The following SORL1 variants were observed in gnomAD, a reference collection of about 807,000 sequenced individuals.
SORL1 encodes the protein sortilin related receptor 1.
SORL1 carries 127 observed loss-of-function variants against 273.7 expected under a neutral mutation model. The ratio of observed to expected loss-of-function variants is 0.46; its 90% CI spans 0.40 to 0.54. The LOEUF is 0.54. Among genes scored for constraint, SORL1 ranks in the 20% least tolerant of loss-of-function variants. SORL1 has a pLI of 0.00. For synonymous variants in SORL1, 1,031 were observed against 1,067.4 expected (o/e 0.97, Z 0.66); for missense variants, 2,494 against 2,846.1 (o/e 0.88, Z 2.81).
chr11:121,515,538 G>A (rs778581396), intron 8 of SORL1, among the ~76,000 whole-genome samples: 5 of 152,218 alleles, frequency 3.3e-5, no homozygotes, highest in African/African-American at 4.8e-5. Context: ...GGCTGGAAGG[G>A]CTGCAGAGAG....
chr11:121,543,772 C>G (rs371717126), intron 13 of SORL1, 46 bp downstream of exon 13: 1 of 1,548,414 alleles, frequency 6.5e-7, no homozygotes, highest in South Asian at 1.1e-5. Flanking sequence ...TATGCGTGGA[C>G]TTCCTGTTAT....
chr11:121,463,301 G>A (rs1221331147), intron 1 of SORL1, among the ~76,000 whole-genome samples: 1 of 151,568 alleles, frequency 6.6e-6, no homozygotes, highest in East Asian at 1.9e-4. Flanking sequence ...GTGATATTAT[G>A]TTCATGAGAA....
rs753850983 is a variant in SORL1, at chr11:121,588,138, G to A, written c.3933G>A (p.Ala1311=). ...QCRDGSDEDA[A]FAGCSQDPEF... is the part of the protein sequence containing the mutation. The stretch of plus-strand genomic sequence containing the variant: ...GCGACGGGTCCGATGAGGATGCGGC[G>A]TTTGCAGGATGCTGTGAGTTGGGGC... The change falls in exon 28 of 48, where the codon GCG becomes GCA. Residue 1311 remains alanine (A), a synonymous_variant. Transcript: ENST00000260197. 23 of 1,613,390 alleles carry A rather than the reference G, an allele frequency of 1.4e-5. No individual in the cohort carries two copies. Among genetic ancestry groups the A allele is most frequent in the South Asian group, 9.9e-5 (9 of 91,026 alleles).
At chr11:121,607,097 C>T (rs1863488609) in intron 36 of SORL1, 89 bp from the exon 37 acceptor site, 2 of 1,039,822 alleles carry the variant, frequency 1.9e-6, no homozygotes, top group East Asian at 4.8e-5. Flanking sequence ...TCCTCACCAT[C>T]TTTTCTCTCC....
chr11:121,602,634 G>T (rs1863411016), intron 32 of SORL1, among the ~76,000 whole-genome samples: 1 of 152,188 alleles, frequency 6.6e-6, no homozygotes. Flanking sequence ...GGGGGTCGAG[G>T]TCAAGAGGTG....
At chr11:121,618,317 G>C (rs990085107) in intron 41 of SORL1, among the ~76,000 whole-genome samples, 6 of 152,128 alleles carry the variant, frequency 3.9e-5, no homozygotes, top group African/African-American at 1.2e-4. Flanking sequence ...CATACTTCCT[G>C]GGGTGTTCGC....
At chr11:121,520,915 T>C in intron 9 of SORL1, 66 bp downstream of exon 9, 1 of 1,139,554 alleles carries the variant, frequency 8.8e-7, no homozygotes, top group Non-Finnish European at 1.2e-6. Flanking sequence ...TGTGGTAGTT[T>C]CCTATGTCTA....
chr11:121,523,722 G>A (rs752376570), intron 11 of SORL1, among the ~76,000 whole-genome samples: 8 of 152,120 alleles, frequency 5.3e-5, no homozygotes, highest in Non-Finnish European at 1.2e-4. Flanking sequence ...AGTTATGCCA[G>A]GAGCCACCAG....
intron 3 of SORL1, among the ~76,000 whole-genome samples, chr11:121,486,636 T>C (rs905317312): frequency 6.6e-6 from 1 of 151,760 alleles, no homozygotes; most frequent in South Asian, 2.1e-4. Flanking sequence ...CCCACCACCA[T>C]GCCCGGCTAA....
chr11:121,506,349 A>G (rs1658017184), intron 6 of SORL1, among the ~76,000 whole-genome samples: 2 of 152,178 alleles, frequency 1.3e-5, no homozygotes, highest in Admixed American at 6.5e-5. Context: ...ATTTACAAAA[A>G]AGGTTTATAA....
chr11:121,516,485 G>C (rs1861953901), intron 8 of SORL1, among the ~76,000 whole-genome samples: 1 of 152,130 alleles, frequency 6.6e-6, no homozygotes. Context: ...AGCTTGGTTT[G>C]GGACTTACCT....
chr11:121,553,897 C>T, intron 16 of SORL1, 40 bp from the exon 17 acceptor site: 1 of 1,588,396 alleles, frequency 6.3e-7, no homozygotes, highest in South Asian at 1.1e-5. Context: ...CTTCAGCATC[C>T]CCTGGGTCCA....
intron 3 of SORL1, among the ~76,000 whole-genome samples, chr11:121,483,334 T>C (rs1024388686): frequency 3.3e-5 from 5 of 152,204 alleles, no homozygotes; most frequent in Admixed American, 6.5e-5. Flanking sequence ...CCTGCCTTTT[T>C]CCAGGCAGAG....
At chr11:121,618,749 C>A in intron 41 of SORL1, 25 bp from the exon 42 acceptor site, 1 of 1,613,826 alleles carries the variant, frequency 6.2e-7, no homozygotes, top group Non-Finnish European at 8.5e-7. Flanking sequence ...AGCTGATGTC[C>A]TCTTCCATTC....
At chr11:121,479,974 C>T (rs1861347184) in intron 3 of SORL1, among the ~76,000 whole-genome samples, 2 of 152,304 alleles carry the variant, frequency 1.3e-5, no homozygotes, top group Non-Finnish European at 2.9e-5. Flanking sequence ...TGCCCCACCG[C>T]ACAGTGTGGT....
At chr11:121,520,548 G>A (rs781584960) in intron 8 of SORL1, 109 bp from the exon 9 acceptor site, 29 of 668,232 alleles carry the variant, frequency 4.3e-5, no homozygotes, top group Non-Finnish European at 6.6e-5. Context: ...CATTGTGAAT[G>A]TGCTTAATGC....
intron 21 of SORL1, 121 bp from the exon 22 acceptor site, chr11:121,566,819 T>G: frequency 1.0e-6 from 1 of 961,352 alleles, no homozygotes; most frequent in Non-Finnish European, 1.5e-6. Flanking sequence ...CACTTGACCC[T>G]TGAGAGCTTC....
At chr11:121,576,916 A>G in intron 24 of SORL1, 1 of 1,535,630 alleles carries the variant, frequency 6.5e-7, no homozygotes, top group South Asian at 1.2e-5. Flanking sequence ...CTGTTTCTTG[A>G]AAGTTCTACT....
In SORL1 at chr11:121,629,689, AAC is replaced by A; in HGVS notation, c.*128_*129del. ...ATTTTTATATGGGCCAAAAACAAAA[AAC>A]AAAAAAAAAAAAAAGGAAAGAAAGG... On this transcript the variant is annotated 3_prime_UTR_variant, in exon 48 of 48. Transcript: ENST00000260197. 32 of 596,164 alleles carry A rather than the reference AAC, an allele frequency of 5.4e-5. No individual in the cohort carries two copies. The highest frequency in any genetic ancestry group is 1.2e-4 in the South Asian group (6 of 48,226). The allele number at this position is 596,164 out of a possible 1,614,324, so 36.9% of individuals were successfully genotyped here. A position where few individuals can be genotyped will look rare whatever the true frequency, so the allele number is the denominator to read the frequency against.
Sources: allele counts gnomAD v4.1 joint callset (sites outside exome capture counted in the v4.1 genomes callset), GRCh38; gene constraint gnomAD v4.1.1; transcripts MANE v1.5; gene names NCBI Gene and HGNC (gene_info 2026-07-23, HGNC 2026-07-21).